The following WSCD1 variants were observed in gnomAD, a reference collection of about 807,000 sequenced individuals.
WSCD1 encodes sialate:O-sulfotransferase 1.
A neutral mutation model predicts 60.4 loss-of-function variants in WSCD1; 41 were observed. The observed-to-expected ratio is 0.68, with a 90% CI of 0.53 to 0.88. The LOEUF (loss-of-function observed/expected upper bound fraction) is 0.88. Ranked by LOEUF, WSCD1 falls within the 40% of genes least tolerant of loss-of-function variation. The pLI, the probability that WSCD1 is intolerant of heterozygous loss-of-function variation, is 0.00. For missense variants in WSCD1, 784 were observed against 796.2 expected (o/e 0.98, Z 0.18); for synonymous variants, 361 against 332.5 (o/e 1.09, Z -0.93).
At chr17:6,096,443 C>T (rs963296252) in intron 5 of WSCD1, among the ~76,000 whole-genome samples, 1 of 152,010 alleles carries the variant, frequency 6.6e-6, no homozygotes, top group Non-Finnish European at 1.5e-5. Context: ...TTGGAGGGGG[C>T]TGGAGAACAA....
intron 5 of WSCD1, among the ~76,000 whole-genome samples, chr17:6,108,731 C>A (rs762953074): frequency 6.6e-6 from 1 of 152,192 alleles, no homozygotes. Context: ...GCCTAGCAAG[C>A]GAGCTAGAAT....
chr17:6,089,558 G>A (rs796268060), intron 3 of WSCD1, among the ~76,000 whole-genome samples: 6 of 152,344 alleles, frequency 3.9e-5, no homozygotes, highest in South Asian at 2.1e-4. Flanking sequence ...GATGTGACAC[G>A]TGGCAGGCAC....
intron 6 of WSCD1, 56 bp downstream of exon 6, chr17:6,109,822 T>C: frequency 6.3e-7 from 1 of 1,582,702 alleles, no homozygotes; most frequent in Non-Finnish European, 8.6e-7. Flanking sequence ...TGGGGAGAGC[T>C]TCCAGGGTTT....
rs1904853867 is a variant in WSCD1, at chr17:6,123,821, A to G, written c.*3160A>G. ...GTGGGGATAAAGTAGAGTGGAAATA[A>G]TGTAGAGTCGTCAGACTGAAAGGCC... On this transcript the variant is annotated 3_prime_UTR_variant, in exon 9 of 9. Transcript: ENST00000317744. 1 of 152,228 alleles carries G rather than the reference A, an allele frequency of 6.6e-6. No individual in the cohort carries two copies. The highest frequency in any genetic ancestry group is 2.4e-5 in the African/African-American group (1 of 41,462). 9.4% of individuals were successfully genotyped at this position (152,228 alleles called of 1,614,324 possible). A position where few individuals can be genotyped will look rare whatever the true frequency, so the allele number is the denominator to read the frequency against.
rs1278158584 is a variant in WSCD1 at position 6,101,170 on chromosome 17, C to T, written c.849+5947C>T. On this transcript the variant is annotated intron_variant, in intron 5 of 8. Transcript: ENST00000317744. This position sits in a 1 kb window ranked among gnomAD's most constrained non-coding sequence, Gnocchi z 4.1. ...TGGTGTGGAGGCTGCCTGGCAGTCCCGGTGGCAGCTTTATCTCATCCTAAT... is the reference window on the plus strand; with the variant it reads ...TGGTGTGGAGGCTGCCTGGCAGTCCTGGTGGCAGCTTTATCTCATCCTAAT... Among the ~76,000 whole-genome samples, 1 of 152,124 alleles carries T rather than the reference C, an allele frequency of 6.6e-6. No homozygotes were observed. The highest frequency in any genetic ancestry group is 2.4e-5 in the African/African-American group (1 of 41,420).
chr17:6,120,839 G>A lies in WSCD1; in HGVS notation c.*178G>A, dbSNP rs892258179. On this transcript the variant is annotated 3_prime_UTR_variant, in exon 9 of 9. Transcript: ENST00000317744. ...ACACAACAGACACACATCACAAGGC[G>A]AACACAAATGGACACACATACCTGG... 20 of 656,462 alleles carry A rather than the reference G, an allele frequency of 3.0e-5. No individual in the cohort carries two copies. Among genetic ancestry groups the A allele is most frequent in the Non-Finnish European group, 5.1e-5 (20 of 390,598 alleles). 40.7% of individuals were successfully genotyped at this position (656,462 alleles called of 1,614,324 possible). A position where few individuals can be genotyped will look rare whatever the true frequency, so the allele number is the denominator to read the frequency against.
upstream of WSCD1, chr17:6,069,422 TGTGTGTGAGAGA>T (rs749188501): frequency 2.4e-4 from 77 of 318,210 alleles, no homozygotes; most frequent in African/African-American, 1.2e-3. Context: ...TGTGTGTGTG[TGTGTGTGAGAGA>T]GAGAGAGAGA....
intron 4 of WSCD1, among the ~76,000 whole-genome samples, chr17:6,093,334 G>T (rs1040577545): frequency 6.6e-6 from 1 of 152,234 alleles, no homozygotes; most frequent in Non-Finnish European, 1.5e-5. Flanking sequence ...CACGTAGTGG[G>T]CACCTGCTGT....
chr17:6,069,218 G>A (rs779188830), upstream of WSCD1: 12 of 398,630 alleles, frequency 3.0e-5, no homozygotes, highest in Non-Finnish European at 5.3e-5. Context: ...GTGAGGACAG[G>A]GTCCACCGGT....
intron 2 of WSCD1, chr17:6,085,075 C>G (rs1411047337): frequency 1.3e-5 from 2 of 152,130 alleles, no homozygotes; most frequent in African/African-American, 2.4e-5. Flanking sequence ...TTTTTTCTCT[C>G]TTTTATTAAC....
At chr17:6,117,625 G>T (rs1259930987) in intron 7 of WSCD1, among the ~76,000 whole-genome samples, 1 of 152,232 alleles carries the variant, frequency 6.6e-6, no homozygotes, top group East Asian at 1.9e-4. Flanking sequence ...ATCAAAGGTT[G>T]TTTGTAATGC....
At position 6,080,464 on chromosome 17, in the gene WSCD1, ACTG is replaced by A. The variant is rs1332198729; in HGVS notation, c.-194_-192del. 6.7e-6 allele frequency: 4 copies of A among 597,722 alleles called. No individual in the cohort carries two copies. Among genetic ancestry groups the A allele is most frequent in the Admixed American group, 6.3e-5 (2 of 31,718 alleles). 37.0% of individuals were successfully genotyped at this position (597,722 alleles called of 1,614,324 possible). A position where few individuals can be genotyped will look rare whatever the true frequency, so the allele number is the denominator to read the frequency against. ...GCTGCAGCTGCAGGACCCTGTGGCC[ACTG>A]GAGATAAGTAATGGTGCCATTTGAA... On this transcript the variant is annotated 5_prime_UTR_variant, in exon 2 of 9. Coordinates refer to ENST00000317744, the MANE Select transcript of WSCD1 (RefSeq NM_015253.2). The surrounding 1 kb of genome is among the most constrained non-coding windows in gnomAD (Gnocchi z 6.6).
intron 5 of WSCD1, among the ~76,000 whole-genome samples, chr17:6,108,067 A>G (rs1356677368): frequency 6.6e-6 from 1 of 152,074 alleles, no homozygotes. Context: ...CTGTACTTAT[A>G]AGAACAGCCT....
intron 7 of WSCD1, among the ~76,000 whole-genome samples, chr17:6,115,463 TTTTG>T (rs1327647201): frequency 2.0e-5 from 3 of 152,224 alleles, no homozygotes; most frequent in African/African-American, 7.2e-5. Context: ...GAAGACTGTG[TTTTG>T]TTTAAGAATG....
chr17:6,103,026 T>C (rs2150559232), intron 5 of WSCD1, among the ~76,000 whole-genome samples: 1 of 152,302 alleles, frequency 6.6e-6, no homozygotes, highest in East Asian at 1.9e-4. Flanking sequence ...GCCTCATCCT[T>C]CTGAAGCTGG....
rs374997308 is a variant in WSCD1, at chr17:6,093,072, G to A, written c.728-2030G>A. The stretch of plus-strand genomic sequence containing the variant: ...TGAATTTGCTCCCCAGGTTGGAATC[G>A]GAGTGGGTTCTGAGCAAGTCATCAA... On this transcript the variant is annotated intron_variant, in intron 4 of 8. Transcript: ENST00000317744. Among the ~76,000 whole-genome samples the A allele has an allele frequency of 3.9e-4, 59 of 152,344 alleles. No homozygotes were observed. In the Middle Eastern group the frequency reaches 0.01, roughly 26 times the overall value.
At chr17:6,089,124 G>A (rs1010700710) in intron 3 of WSCD1, among the ~76,000 whole-genome samples, 2 of 152,202 alleles carry the variant, frequency 1.3e-5, no homozygotes, top group Non-Finnish European at 2.9e-5. Flanking sequence ...TAGTCAGCCA[G>A]GTAGCAATTA....
upstream of WSCD1, chr17:6,069,428 TGA>T (rs71154637): frequency 0.25 from 55,649 of 224,478 alleles, 3,440 homozygotes; most frequent in Non-Finnish European, 0.29. Context: ...TGTGTGTGTG[TGA>T]GAGAGAGAGA....
At chr17:6,108,185 A>G (rs1182676910) in intron 5 of WSCD1, among the ~76,000 whole-genome samples, 3 of 152,212 alleles carry the variant, frequency 2.0e-5, no homozygotes, top group Non-Finnish European at 4.4e-5. Context: ...CATGGGACAC[A>G]GGCTGTTGTC....
Sources: gnomAD v4.1 joint callset for allele counts (sites outside exome capture counted in the v4.1 genomes callset) on GRCh38, gnomAD v4.1.1 for gene constraint, Gnocchi (gnomAD v3.1) non-coding constraint, MANE v1.5 for transcripts, NCBI Gene and HGNC (gene_info 2026-07-23, HGNC 2026-07-21) for gene names.